Variants in ANXA2 observed in about 807,000 individuals in gnomAD.
ANXA2 encodes the protein annexin II.
Under a neutral mutation model 47.3 loss-of-function variants are expected in ANXA2, and 28 were observed. The observed-to-expected ratio is 0.59, with a 90% CI of 0.44 to 0.81. ANXA2 has a LOEUF of 0.81. ANXA2 is among the 40% of genes least tolerant of loss of function. ANXA2 has a pLI of 0.00. For synonymous variants in ANXA2, 172 were observed against 155.5 expected (o/e 1.11, Z -0.79); for missense variants, 384 against 414.3 (o/e 0.93, Z 0.64).
chr15:60,397,512 C>A (rs2063096868), intron 1 of ANXA2, among the ~76,000 whole-genome samples: 1 of 152,142 alleles, frequency 6.6e-6, no homozygotes, highest in Non-Finnish European at 1.5e-5. Flanking sequence ...ATGGGGGGCA[C>A]TTTCTAGAGG....
At chr15:60,355,763 C>T (rs1326330139) in intron 7 of ANXA2, 156 bp downstream of exon 7, 2 of 724,706 alleles carry the variant, frequency 2.8e-6, no homozygotes, top group African/African-American at 3.5e-5. Flanking sequence ...ACAAAATTGA[C>T]AACTCTGCAG....
At position 60,352,112 on chromosome 15, in the gene ANXA2, C is replaced by A. The variant is rs1473455162; in HGVS notation, c.682+271G>T. Among the ~76,000 whole-genome samples, 8 of 152,172 alleles carry A rather than the reference C, an allele frequency of 5.3e-5. No homozygotes were observed. Among genetic ancestry groups the A allele is most frequent in the Non-Finnish European group, 1.2e-4 (8 of 68,044 alleles). ...ACCATAGGAAACAGTACAGAGCATG[C>A]ACCAAAGTCCACTACTTCAACAAAT... On this transcript the variant is annotated intron_variant, in intron 9 of 12. Transcript: ENST00000451270. This position sits in a 1 kb window ranked among gnomAD's most constrained non-coding sequence, Gnocchi z 4.2.
chr15:60,390,295 G>A (rs942089943), intron 1 of ANXA2: 10 of 1,049,848 alleles, frequency 9.5e-6, no homozygotes, highest in Non-Finnish European at 1.2e-5. Context: ...CTTCATGTGA[G>A]TTTAATGGCA....
At chr15:60,357,560 A>G (rs543705064) in intron 5 of ANXA2, among the ~76,000 whole-genome samples, 2 of 152,238 alleles carry the variant, frequency 1.3e-5, no homozygotes, top group African/African-American at 2.4e-5. Context: ...TTGGGAGGCC[A>G]AGGCAGGCAG....
chr15:60,356,674 G>T (rs2062435403), intron 6 of ANXA2, among the ~76,000 whole-genome samples: 1 of 152,126 alleles, frequency 6.6e-6, no homozygotes, highest in South Asian at 2.1e-4. Flanking sequence ...AAGAAATGCA[G>T]TAGCGATGTA....
intron 5 of ANXA2, among the ~76,000 whole-genome samples, chr15:60,359,883 C>G (rs768483590): frequency 6.6e-5 from 10 of 152,224 alleles, no homozygotes; most frequent in Non-Finnish European, 1.0e-4. Flanking sequence ...TCAAATGCTG[C>G]AGACCCACAC....
At position 60,368,219 on chromosome 15, in the gene ANXA2, T is replaced by C. The variant is rs192883211; in HGVS notation, c.149-3696A>G. 6.5e-3 allele frequency among the ~76,000 whole-genome samples: 958 copies of C among 147,522 alleles called. 6 individuals are homozygous for C. Among genetic ancestry groups the C allele is most frequent in the African/African-American group, 0.023 (909 of 40,336 alleles). On this transcript the variant is annotated intron_variant, in intron 3 of 12. Transcript: ENST00000451270. ...TGCCTAGGAAAACCAGAGACCTTTG[T>C]TCACTTGTTTATCTGCTGACCTTCC...
chr15:60,388,495 C>T (rs2062962953), intron 1 of ANXA2, among the ~76,000 whole-genome samples: 1 of 151,396 alleles, frequency 6.6e-6, no homozygotes, highest in Admixed American at 6.6e-5. Context: ...GTGTCCAGCC[C>T]AATAATTTAT....
Position 60,347,545 on chromosome 15 carries a change from A to G in ANXA2, c.*85T>C. On this transcript the variant is annotated 3_prime_UTR_variant, in exon 13 of 13. Transcript: ENST00000451270. ...CACCCTCACAGGGATGGCCACGGGG[A>G]CTGTTATTCGCAAGCTGGTTTTCTA... is the stretch of plus-strand genomic sequence containing the variant. 2 of 1,352,990 alleles carry G rather than the reference A, an allele frequency of 1.5e-6. No individual in the cohort carries two copies. Among genetic ancestry groups the G allele is most frequent in the Non-Finnish European group, 2.1e-6 (2 of 945,716 alleles). The allele number at this position is 1,352,990 out of a possible 1,614,324, so 83.8% of individuals were successfully genotyped here.
rs943469852 is a variant in ANXA2, at chr15:60,355,937, C to A, written c.510G>T (p.Leu170=). 1 of 1,614,002 alleles carries A rather than the reference C, an allele frequency of 6.2e-7. No homozygotes were observed. The highest frequency in any genetic ancestry group is 1.3e-5 in the African/African-American group (1 of 74,930). ...AACCAACCTTTGCCAGGGCAACCAT[C>A]AGCTTGCGGAAGTCACCAGATGTGT... ...ISDTSGDFRK[L]MVALAKGRRA... The change falls in exon 7 of 13, where the codon CTG becomes CTT. Residue 170 remains leucine, a synonymous_variant. Transcript: ENST00000451270.
intron 3 of ANXA2, among the ~76,000 whole-genome samples, chr15:60,379,607 A>T (rs909867458): frequency 1.6e-4 from 24 of 152,254 alleles, no homozygotes; most frequent in African/African-American, 5.3e-4. Flanking sequence ...GACCTCAGGC[A>T]TACTAATCCT....
chr15:60,361,122 G>C (rs1234580655), intron 4 of ANXA2, 68 bp from the exon 5 acceptor site: 1 of 1,079,222 alleles, frequency 9.3e-7, no homozygotes, highest in East Asian at 2.5e-5. Context: ...TAAAACAAAA[G>C]TAAGAGGGAT....
At chr15:60,353,246 G>A (rs540990724) in intron 8 of ANXA2, among the ~76,000 whole-genome samples, 2 of 152,176 alleles carry the variant, frequency 1.3e-5, no homozygotes, top group Non-Finnish European at 2.9e-5. Flanking sequence ...ATTGCAGTCT[G>A]AATAAGCTTA....
intron 3 of ANXA2, 27 bp from the exon 4 acceptor site, chr15:60,364,550 T>C (rs775505460): frequency 6.4e-7 from 1 of 1,569,332 alleles, no homozygotes; most frequent in Non-Finnish European, 8.7e-7. Context: ...TGTTAATCGT[T>C]ACTCAGTATA....
At chr15:60,393,124 T>C in intron 1 of ANXA2, 1 of 1,284,884 alleles carries the variant, frequency 7.8e-7, no homozygotes, top group Non-Finnish European at 1.0e-6. Flanking sequence ...CCAGAATTCC[T>C]GGAATTCGGC....
In ANXA2 at chr15:60,355,929, G is replaced by A. The variant is rs1260728076; in HGVS notation, c.518C>T (p.Ala173Val). The A allele has an allele frequency of 6.2e-7, 1 of 1,613,882 alleles. No homozygotes were observed. The highest frequency in any genetic ancestry group is 1.3e-5 in the African/African-American group (1 of 74,924). Reference protein sequence around the residue: ...TSGDFRKLMVALAKGRRAEDG... With the variant: ...TSGDFRKLMVVLAKGRRAEDG... ...AACTGGGAAACCAACCTTTGCCAGG[G>A]CAACCATCAGCTTGCGGAAGTCACC... The change falls in exon 7 of 13, where the codon GCC (alanine) becomes GTC (valine). Residue 173 changes from alanine (A) to valine (V), a missense_variant. Transcript: ENST00000451270.
intron 4 of ANXA2, 84 bp downstream of exon 4, chr15:60,364,345 C>A: frequency 9.2e-7 from 1 of 1,089,596 alleles, no homozygotes; most frequent in Non-Finnish European, 1.4e-6. Context: ...CGCATGAGAG[C>A]CACAATTCAT....
intron 1 of ANXA2, chr15:60,397,451 G>C: frequency 9.6e-6 from 4 of 416,002 alleles, no homozygotes; most frequent in Non-Finnish European, 1.3e-5. Context: ...CCTGCTGGTC[G>C]GTTCAACTCC....
chr15:60,397,903 T>A, intron 1 of ANXA2, 40 bp downstream of exon 1: 15 of 1,344,780 alleles, frequency 1.1e-5, no homozygotes, highest in Non-Finnish European at 1.4e-5. Flanking sequence ...CCCCGCTAGC[T>A]GGCGGCCCAT....
Sources: gnomAD v4.1 joint callset for allele counts (sites outside exome capture counted in the v4.1 genomes callset) on GRCh38, gnomAD v4.1.1 for gene constraint, Gnocchi (gnomAD v3.1) non-coding constraint, MANE v1.5 for transcripts, NCBI Gene and HGNC (gene_info 2026-07-23, HGNC 2026-07-21) for gene names.